PPARGC1A: variants seen among roughly 807,000 people sequenced by gnomAD.
PPARGC1A encodes peroxisome proliferator-activated receptor gamma coactivator 1-alpha.
Under a neutral mutation model 88.7 loss-of-function variants are expected in PPARGC1A, and 25 were observed. The observed-to-expected ratio is 0.28, with a 90% CI of 0.21 to 0.39. The LOEUF is 0.39. PPARGC1A is among the 10% of genes least tolerant of loss of function. The pLI is 1.00. For missense variants in PPARGC1A, 880 were observed against 968.7 expected (o/e 0.91, Z 1.22); for synonymous variants, 363 against 355.6 (o/e 1.02, Z -0.24).
chr4:24,371,821 C>T, the PPARGC1A span, among the ~76,000 whole-genome samples: 14 of 150,956 alleles, frequency 9.3e-5, no homozygotes, highest in African/African-American at 3.2e-4. Flanking sequence ...CATGGTGGTG[C>T]GTGCCTGTAG....
chr4:24,178,857 A>C, the PPARGC1A span, among the ~76,000 whole-genome samples: 2 of 152,250 alleles, frequency 1.3e-5, no homozygotes, highest in Non-Finnish European at 2.9e-5. Context: ...AATGCATTTT[A>C]TAGCAAAGCA....
the PPARGC1A span, among the ~76,000 whole-genome samples, chr4:24,294,097 G>A: frequency 2.6e-5 from 4 of 152,124 alleles, no homozygotes; most frequent in African/African-American, 9.7e-5. Context: ...TAGTAGAACT[G>A]GCTCCATCCC....
the PPARGC1A span, among the ~76,000 whole-genome samples, chr4:24,246,541 G>C: frequency 1.3e-5 from 2 of 152,140 alleles, no homozygotes; most frequent in African/African-American, 4.8e-5. Flanking sequence ...CTTAAGCCTG[G>C]AAGGTTCAAG....
chr4:24,103,128 A>G, the PPARGC1A span, among the ~76,000 whole-genome samples: 1 of 152,106 alleles, frequency 6.6e-6, no homozygotes, highest in Non-Finnish European at 1.5e-5. Flanking sequence ...TGATATCACC[A>G]TCATTCCCAT....
At chr4:24,318,092 C>T in the PPARGC1A span, among the ~76,000 whole-genome samples, 4 of 152,122 alleles carry the variant, frequency 2.6e-5, no homozygotes, top group African/African-American at 4.8e-5. Flanking sequence ...TGGGGCCGCT[C>T]AAAGATTAGT....
At chr4:24,454,895 A>C in the PPARGC1A span, among the ~76,000 whole-genome samples, 1 of 119,632 alleles carries the variant, frequency 8.4e-6, no homozygotes, top group Non-Finnish European at 1.8e-5. Flanking sequence ...CCATGAGTAG[A>C]TTGTCACAAA....
chr4:24,123,910 C>CA, the PPARGC1A span, among the ~76,000 whole-genome samples: 36,845 of 122,924 alleles, frequency 0.3, 5,071 homozygotes, highest in East Asian at 0.57. Flanking sequence ...TCTAAGTTGG[C>CA]AAAAAAAAAA....
the PPARGC1A span, among the ~76,000 whole-genome samples, chr4:24,213,725 T>TTG: frequency 1.6e-3 from 247 of 151,778 alleles, no homozygotes; most frequent in Non-Finnish European, 2.3e-3. Flanking sequence ...GTGCATGTGT[T>TTG]TGTGTGTGTG....
the PPARGC1A span, among the ~76,000 whole-genome samples, chr4:24,098,815 A>G: frequency 1.3e-5 from 2 of 152,346 alleles, no homozygotes; most frequent in East Asian, 3.9e-4. Flanking sequence ...AATTACTTTG[A>G]CATGTTTGTG....
At chr4:23,934,537 G>A in the PPARGC1A span, among the ~76,000 whole-genome samples, 1 of 152,196 alleles carries the variant, frequency 6.6e-6, no homozygotes, top group African/African-American at 2.4e-5. Context: ...ATTGTAATCT[G>A]TGGAATGATG....
At chr4:24,224,684 G>A in the PPARGC1A span, among the ~76,000 whole-genome samples, 7 of 152,208 alleles carry the variant, frequency 4.6e-5, no homozygotes, top group African/African-American at 7.2e-5. Flanking sequence ...TGGGGGCAAA[G>A]TGGAAAGGGG....
chr4:24,251,295 A>G, the PPARGC1A span, among the ~76,000 whole-genome samples: 1 of 152,236 alleles, frequency 6.6e-6, no homozygotes, highest in Non-Finnish European at 1.5e-5. Context: ...TGTTAAATAA[A>G]CAATACCTAC....
the PPARGC1A span, among the ~76,000 whole-genome samples, chr4:23,961,241 C>G: frequency 6.6e-6 from 1 of 152,178 alleles, no homozygotes; most frequent in African/African-American, 2.4e-5. Flanking sequence ...GGTTTAATCT[C>G]CCTCTGACCA....
the PPARGC1A span, among the ~76,000 whole-genome samples, chr4:23,910,320 A>ATAT: frequency 0.5 from 33,996 of 67,934 alleles, 7,323 homozygotes; most frequent in African/African-American, 0.61. Context: ...ATAATATTAT[A>ATAT]TATATTATAT....
chr4:24,452,464 T>C, the PPARGC1A span, among the ~76,000 whole-genome samples: 1 of 152,236 alleles, frequency 6.6e-6, no homozygotes, highest in African/African-American at 2.4e-5. Context: ...TCCATCATTG[T>C]GCACTAGTTA....
chr4:23,878,032 A>G (rs1189650500), intron 2 of PPARGC1A, among the ~76,000 whole-genome samples: 1 of 152,172 alleles, frequency 6.6e-6, no homozygotes, highest in Non-Finnish European at 1.5e-5. Context: ...CTAAGAAGCA[A>G]TGAGCCACTT....
chr4:23,925,783 GA>G, the PPARGC1A span, among the ~76,000 whole-genome samples: 2 of 152,024 alleles, frequency 1.3e-5, no homozygotes, highest in African/African-American at 2.4e-5. Context: ...GACAAAAGGG[GA>G]AAAAATCAGT....
At chr4:24,029,707 A>G in the PPARGC1A span, among the ~76,000 whole-genome samples, 1 of 152,168 alleles carries the variant, frequency 6.6e-6, no homozygotes, top group Non-Finnish European at 1.5e-5. Context: ...GGAACTGATA[A>G]AATCTGAGGA....
intron 12 of PPARGC1A, among the ~76,000 whole-genome samples, chr4:23,799,666 C>T (rs1471354853): frequency 6.6e-6 from 1 of 152,126 alleles, no homozygotes; most frequent in Non-Finnish European, 1.5e-5. Flanking sequence ...TTAGCAATGG[C>T]AAAGTTTCTA....
Sources: allele counts gnomAD v4.1 joint callset (sites outside exome capture counted in the v4.1 genomes callset), GRCh38; gene constraint gnomAD v4.1.1; transcripts MANE v1.5; gene names NCBI Gene and HGNC (gene_info 2026-07-23, HGNC 2026-07-21).